ZNF407: variants seen among roughly 807,000 people sequenced by gnomAD.
The protein encoded by ZNF407 is zinc finger protein 407.
In ZNF407, 17 loss-of-function variants were observed where a neutral mutation model predicts 131.2. The ratio of observed to expected loss-of-function variants is 0.13; its 90% confidence interval spans 0.09 to 0.19. The LOEUF (loss-of-function observed/expected upper bound fraction) is 0.19. Among genes scored for constraint, ZNF407 ranks in the 10% least tolerant of loss-of-function variants. ZNF407 has a pLI of 1.00. For missense variants in ZNF407, 2,681 were observed against 2,830.6 expected (o/e 0.95, Z 1.20); for synonymous variants, 1,156 against 1,062.0 (o/e 1.09, Z -1.72).
rs573715393 is a variant in ZNF407, at chr18:74,686,356, C to A, written c.4802+45234C>A. Among the ~76,000 whole-genome samples, 54 of 152,304 alleles carry A rather than the reference C, an allele frequency of 3.5e-4. 1 individual carries two copies. Among genetic ancestry groups the A allele is most frequent in the Admixed American group, 1.6e-3 (24 of 15,298 alleles). ...CACAAATGCATCATCTACTTCATAACCCCCATAACTCCTGGTGCTCCTGGT... is the reference window on the plus strand; with the variant it reads ...CACAAATGCATCATCTACTTCATAAACCCCATAACTCCTGGTGCTCCTGGT... On this transcript the variant is annotated intron_variant, in intron 3 of 8. Coordinates refer to ENST00000299687, the MANE Select transcript of ZNF407 (RefSeq NM_017757.3).
intron 3 of ZNF407, among the ~76,000 whole-genome samples, chr18:74,720,834 T>C (rs1222445609): frequency 2.6e-5 from 4 of 152,308 alleles, no homozygotes; most frequent in African/African-American, 7.2e-5. Flanking sequence ...TCTGTTCCAT[T>C]GGTCTGTGTG....
At chr18:75,037,829 A>G (rs867486522) in intron 8 of ZNF407, among the ~76,000 whole-genome samples, 9 of 152,162 alleles carry the variant, frequency 5.9e-5, no homozygotes, top group Non-Finnish European at 2.9e-5. Context: ...TGTGTTCTGT[A>G]TGAGCAGAGA....
intron 7 of ZNF407, among the ~76,000 whole-genome samples, chr18:74,919,696 C>T (rs1343606865): frequency 6.6e-6 from 1 of 152,194 alleles, no homozygotes; most frequent in East Asian, 1.9e-4. Context: ...AAAAGGAAAA[C>T]AGCTCCGCGT....
At chr18:74,751,839 CGT>C (rs1968811494) in intron 3 of ZNF407, among the ~76,000 whole-genome samples, 1 of 152,170 alleles carries the variant, frequency 6.6e-6, no homozygotes, top group South Asian at 2.1e-4. Flanking sequence ...CATACATGTG[CGT>C]GTGTCTTTAT....
Position 74,634,818 on chromosome 18 carries a change from G to A in ZNF407, c.3799G>A (p.Val1267Met). The change falls in exon 2 of 9, where the codon GTG (valine) becomes ATG (methionine). Residue 1267 changes from valine (V) to methionine (M), a missense_variant. Physicochemically the swap from Val to Met is conservative, Grantham distance 21. Transcript: ENST00000299687. ...CTCGGCTGAAAGCCCTGTGCTCGTT[G>A]TGACAAGAATAACCAGAGAACAGGG... ...ERSAESPVLV[V>M]TRITREQGNL... The A allele has an allele frequency of 6.2e-7, 1 of 1,613,996 alleles. No individual in the cohort carries two copies. The highest frequency in any genetic ancestry group is 8.5e-7 in the Non-Finnish European group (1 of 1,179,886).
rs187401042 is a variant in ZNF407, at chr18:75,063,340, C to T, written c.5619C>T (p.Asp1873=). Residue 1873 remains aspartate (D), a synonymous_variant, in exon 9 of 9, where the codon GAC becomes GAT. Transcript: ENST00000299687. This position sits in a 1 kb window ranked among gnomAD's most constrained non-coding sequence, Gnocchi z 6.6. The part of the protein sequence containing the change: ...VQQVIIFQGY[D]GEFALDPSVE... ...AGGTCATCATCTTCCAGGGCTACGA[C>T]GGGGAGTTTGCCCTGGACCCCTCGG... 31 of 1,613,082 alleles carry T rather than the reference C, an allele frequency of 1.9e-5. 1 individual carries two copies. In the African/African-American group the frequency reaches 2.9e-4, roughly 15 times the overall value.
At chr18:75,008,859 G>T (rs977905861) in intron 8 of ZNF407, among the ~76,000 whole-genome samples, 38 of 152,218 alleles carry the variant, frequency 2.5e-4, no homozygotes, top group African/African-American at 7.0e-4. Context: ...TTCCCAAATG[G>T]TTATTTTCCC....
chr18:74,700,953 C>T (rs1008599722), intron 3 of ZNF407, among the ~76,000 whole-genome samples: 2 of 152,056 alleles, frequency 1.3e-5, no homozygotes, highest in African/African-American at 4.8e-5. Context: ...TTCTTAATTA[C>T]CAAACGTGAC....
At chr18:75,037,968 G>A (rs1292799522) in intron 8 of ZNF407, among the ~76,000 whole-genome samples, 2 of 151,924 alleles carry the variant, frequency 1.3e-5, no homozygotes, top group African/African-American at 4.8e-5. Context: ...TGATTTTTTT[G>A]AGATTAATAA....
At chr18:74,778,709 A>G (rs1435575231) in intron 3 of ZNF407, among the ~76,000 whole-genome samples, 2 of 152,128 alleles carry the variant, frequency 1.3e-5, no homozygotes, top group South Asian at 2.1e-4. Context: ...CATCCTGTTG[A>G]TAAGCAGCAG....
chr18:74,992,145 C>T (rs1261367841), intron 8 of ZNF407, among the ~76,000 whole-genome samples: 4 of 152,126 alleles, frequency 2.6e-5, no homozygotes, highest in Admixed American at 1.3e-4. Context: ...TGAGTGCCCA[C>T]GATACATTCA....
chr18:75,062,360 A>G (rs1014708819), intron 8 of ZNF407: 1 of 152,206 alleles, frequency 6.6e-6, no homozygotes, highest in African/African-American at 2.4e-5. Context: ...TACTTATTCA[A>G]TCCAAGGCAC....
At chr18:74,676,376 G>A (rs992480006) in intron 3 of ZNF407, among the ~76,000 whole-genome samples, 2 of 151,862 alleles carry the variant, frequency 1.3e-5, no homozygotes, top group African/African-American at 4.8e-5. Context: ...ATAGGCATGA[G>A]CCACTGTGTC....
chr18:75,051,965 G>A (rs1367727561), intron 8 of ZNF407, among the ~76,000 whole-genome samples: 2 of 152,170 alleles, frequency 1.3e-5, no homozygotes, highest in South Asian at 2.1e-4. Context: ...AGAAAGGCCC[G>A]CCTACTTAAC....
intron 8 of ZNF407, among the ~76,000 whole-genome samples, chr18:75,026,295 T>G (rs537297396): frequency 6.6e-6 from 1 of 152,314 alleles, no homozygotes; most frequent in East Asian, 1.9e-4. Flanking sequence ...TAATAAACTA[T>G]TGAAAACTTA....
At chr18:74,879,893 T>C (rs1971215171) in intron 5 of ZNF407, among the ~76,000 whole-genome samples, 1 of 152,214 alleles carries the variant, frequency 6.6e-6, no homozygotes, top group African/African-American at 2.4e-5. Flanking sequence ...TTCCTATATG[T>C]ACTATTTATT....
intron 4 of ZNF407, among the ~76,000 whole-genome samples, chr18:74,828,977 G>A (rs1970446725): frequency 6.6e-6 from 1 of 152,188 alleles, no homozygotes; most frequent in Admixed American, 6.5e-5. Context: ...TGACAAATCA[G>A]ACACAATAGA....
chr18:74,803,912 G>T (rs1260900802), intron 4 of ZNF407: 1 of 1,536,662 alleles, frequency 6.5e-7, no homozygotes, highest in African/African-American at 1.4e-5. Flanking sequence ...GCTTTACAAC[G>T]TGCCTTGAAA....
chr18:74,951,730 TC>T (rs761485592), intron 8 of ZNF407, among the ~76,000 whole-genome samples: 12 of 152,228 alleles, frequency 7.9e-5, no homozygotes, highest in Non-Finnish European at 1.6e-4. Flanking sequence ...TGATTCATTT[TC>T]ATAGTCTGTG....
Sources: allele counts gnomAD v4.1 joint callset (sites outside exome capture counted in the v4.1 genomes callset), GRCh38; gene constraint gnomAD v4.1.1; non-coding constraint Gnocchi (gnomAD v3.1); transcripts MANE v1.5; gene names NCBI Gene and HGNC (gene_info 2026-07-23, HGNC 2026-07-21).